FIGN: variants seen among roughly 807,000 people sequenced by gnomAD.
FIGN encodes fidgetin.
Under a neutral mutation model 51.3 loss-of-function variants are expected in FIGN, and 11 were observed. The observed-to-expected ratio is 0.21, with a 90% CI of 0.13 to 0.35. The LOEUF is 0.35. Ranked by LOEUF, FIGN falls within the 10% of genes least tolerant of loss-of-function variation. The probability of loss-of-function intolerance (pLI) is 1.00; values close to 1 mark genes in which losing one functional copy is unlikely to be tolerated. For synonymous variants in FIGN, 407 were observed against 363.2 expected (o/e 1.12, Z -1.37); for missense variants, 857 against 943.6 (o/e 0.91, Z 1.20).
At chr2:163,668,101 T>C (rs1683813952) in intron 2 of FIGN, among the ~76,000 whole-genome samples, 1 of 146,122 alleles carries the variant, frequency 6.8e-6, no homozygotes, top group Non-Finnish European at 1.5e-5. Flanking sequence ...TAAATTGGTA[T>C]AATAGAATGG....
At chr2:163,717,797 G>A (rs1166442684) in intron 2 of FIGN, among the ~76,000 whole-genome samples, 1 of 152,110 alleles carries the variant, frequency 6.6e-6, no homozygotes, top group East Asian at 1.9e-4. Context: ...AACACTGGCT[G>A]CTTGGTACTT....
intron 2 of FIGN, among the ~76,000 whole-genome samples, chr2:163,669,922 C>T (rs915642136): frequency 1.3e-5 from 2 of 152,228 alleles, no homozygotes; most frequent in East Asian, 1.9e-4. Flanking sequence ...AATTCTCGAT[C>T]GTAACCTACT....
rs143930536 is a variant in FIGN, at chr2:163,725,071, T to G, written c.25+9832A>C. Among the ~76,000 whole-genome samples, 1,323 of 152,218 alleles carry G rather than the reference T, an allele frequency of 8.7e-3. 19 individuals carry two copies. The highest frequency in any genetic ancestry group is 0.03 in the African/African-American group (1,266 of 41,524). On this transcript the variant is annotated intron_variant, in intron 2 of 2. Coordinates refer to ENST00000333129, the MANE Select transcript of FIGN (RefSeq NM_018086.4). ...TCGAACTTGTGCCTCCTTCCCCTAT[T>G]CCTACATGTTGTCCATGACAACAAA... is the stretch of plus-strand genomic sequence containing the variant.
At chr2:163,657,719 T>C (rs1405357348) in intron 2 of FIGN, among the ~76,000 whole-genome samples, 1 of 152,114 alleles carries the variant, frequency 6.6e-6, no homozygotes, top group Non-Finnish European at 1.5e-5. Context: ...CACATTTTAG[T>C]AGGTCATGCT....
intron 2 of FIGN, among the ~76,000 whole-genome samples, chr2:163,624,903 C>T (rs527279786): frequency 2.6e-5 from 4 of 151,756 alleles, no homozygotes; most frequent in Admixed American, 6.6e-5. Context: ...GTGTTCCTAG[C>T]GCTGAATAGA....
At position 163,604,253 on chromosome 2, in the gene FIGN, T is replaced by C. The variant is rs1691036365; in HGVS notation, c.*5299A>G. The C allele has an allele frequency of 6.6e-6, 1 of 152,084 alleles. No homozygotes were observed. Among genetic ancestry groups the C allele is most frequent in the African/African-American group, 2.4e-5 (1 of 41,448 alleles). The allele number at this position is 152,084 out of a possible 1,614,324, so 9.4% of individuals were successfully genotyped here. A position where few individuals can be genotyped will look rare whatever the true frequency, so the allele number is the denominator to read the frequency against. On this transcript the variant is annotated 3_prime_UTR_variant, in exon 3 of 3. Coordinates refer to ENST00000333129, the MANE Select transcript of FIGN (RefSeq NM_018086.4). ...TAAAAATGTTGTTTGAATTTGTTTG[T>C]CTTAAGTAGCCAGATTGCCAGTGTA...
At chr2:163,619,319 G>A (rs1042099680) in intron 2 of FIGN, among the ~76,000 whole-genome samples, 14 of 152,144 alleles carry the variant, frequency 9.2e-5, no homozygotes, top group African/African-American at 2.4e-4. Context: ...TAGATGGTAC[G>A]CAGGTAAGCA....
At chr2:163,707,061 T>C (rs936562049) in intron 2 of FIGN, among the ~76,000 whole-genome samples, 1 of 152,186 alleles carries the variant, frequency 6.6e-6, no homozygotes, top group South Asian at 2.1e-4. Flanking sequence ...TTAATTTCTA[T>C]TGAGGAATAA....
At chr2:163,665,062 T>C (rs1350445438) in intron 2 of FIGN, among the ~76,000 whole-genome samples, 1 of 152,254 alleles carries the variant, frequency 6.6e-6, no homozygotes, top group East Asian at 1.9e-4. Context: ...AGTTGCCACT[T>C]ATTATTATTT....
chr2:163,610,464 A>G lies in FIGN; in HGVS notation c.1368T>C (p.Ser456=). Residue 456 remains serine, a synonymous_variant, in exon 3 of 3, where the codon TCT becomes TCC. Coordinates refer to ENST00000333129, the MANE Select transcript of FIGN (RefSeq NM_018086.4). ...GLRAATSSNH[S]VDEQLKNTDT... is the part of the protein sequence containing the mutation. Reference sequence around the variant, plus strand: ...CAGTATTCTTCAGTTGCTCGTCCACAGAGTGGTTGGATGAGGTAGCTGCAC... The same window carrying G: ...CAGTATTCTTCAGTTGCTCGTCCACGGAGTGGTTGGATGAGGTAGCTGCAC... 1 of 1,614,136 alleles carries G rather than the reference A, an allele frequency of 6.2e-7. No homozygotes were observed. The highest frequency in any genetic ancestry group is 8.5e-7 in the Non-Finnish European group (1 of 1,180,024).
At chr2:163,680,755 G>A (rs368229769) in intron 2 of FIGN, among the ~76,000 whole-genome samples, 15 of 150,854 alleles carry the variant, frequency 9.9e-5, no homozygotes, top group East Asian at 2.0e-4. Flanking sequence ...TGGGGCTCCC[G>A]GAGTCCACTG....
intron 2 of FIGN, among the ~76,000 whole-genome samples, chr2:163,648,793 T>C (rs1371826): frequency 0.9 from 136,269 of 152,246 alleles, 61,055 homozygotes; most frequent in Admixed American, 0.94. Flanking sequence ...TTGTTTTGAA[T>C]GCAAAATATT....
chr2:163,708,652 C>T (rs1178899471), intron 2 of FIGN, among the ~76,000 whole-genome samples: 1 of 152,068 alleles, frequency 6.6e-6, no homozygotes, highest in African/African-American at 2.4e-5. Flanking sequence ...GTTTCAAATG[C>T]TTATAATAGT....
At chr2:163,705,240 C>T (rs934762762) in intron 2 of FIGN, among the ~76,000 whole-genome samples, 1 of 152,196 alleles carries the variant, frequency 6.6e-6, no homozygotes, top group African/African-American at 2.4e-5. Flanking sequence ...GTGGGGACCA[C>T]TCTCCTAGAG....
At chr2:163,663,178 C>T (rs2105328855) in intron 2 of FIGN, among the ~76,000 whole-genome samples, 1 of 151,916 alleles carries the variant, frequency 6.6e-6, no homozygotes, top group East Asian at 2.0e-4. Flanking sequence ...GCCTTGACCT[C>T]CCAAAGTGCT....
At chr2:163,721,366 A>C (rs2105363218) in intron 2 of FIGN, among the ~76,000 whole-genome samples, 1 of 152,206 alleles carries the variant, frequency 6.6e-6, no homozygotes, top group Middle Eastern at 3.4e-3. Context: ...TATTTTAACA[A>C]TTTTAACTCA....
chr2:163,689,487 A>G (rs1684205745), intron 2 of FIGN, among the ~76,000 whole-genome samples: 1 of 152,206 alleles, frequency 6.6e-6, no homozygotes, highest in Admixed American at 6.5e-5. Context: ...ATAAAATTTT[A>G]ATTTTAACAA....
rs539451018 is a variant in FIGN, at chr2:163,734,937, G to A, written c.-10C>T. The A allele has an allele frequency of 6.2e-7, 1 of 1,610,970 alleles. No homozygotes were observed. Among genetic ancestry groups the A allele is most frequent in the Admixed American group, 1.7e-5 (1 of 59,478 alleles). On this transcript the variant is annotated 5_prime_UTR_variant, in exon 2 of 3. Coordinates refer to ENST00000333129, the MANE Select transcript of FIGN (RefSeq NM_018086.4). ...TGGTGCTACTGATCATTTCTTGCTG[G>A]CAGCACAAAAAGCTGAATTGGATTT...
At chr2:163,706,624 A>G (rs6432771) in intron 2 of FIGN, among the ~76,000 whole-genome samples, 145,072 of 152,234 alleles carry the variant, frequency 0.95, 69,161 homozygotes, top group Middle Eastern at 0.99. Context: ...TGATTAAAAT[A>G]CACAATTCAT....
Sources: gnomAD v4.1 joint callset for allele counts (sites outside exome capture counted in the v4.1 genomes callset) on GRCh38, gnomAD v4.1.1 for gene constraint, MANE v1.5 for transcripts, NCBI Gene and HGNC (gene_info 2026-07-23, HGNC 2026-07-21) for gene names.